The following CUL4B variants were observed in gnomAD, a reference collection of about 807,000 sequenced individuals.
CUL4B encodes the protein cullin 4B, also known as cullin-4B.
A neutral mutation model predicts 69.2 loss-of-function variants in CUL4B; 1 was observed. That is an observed-to-expected ratio of 0.01 (90% CI 0.01 to 0.07). The LOEUF is 0.07. Ranked by LOEUF, CUL4B falls within the 10% of genes least tolerant of loss-of-function variation. CUL4B has a pLI of 1.00. For missense variants in CUL4B, 328 were observed against 638.8 expected, an observed-to-expected ratio of 0.51 and a Z score of 5.24; for synonymous variants, 237 against 223.2, an observed-to-expected ratio of 1.06 and a Z score of -0.55.
upstream of CUL4B, among the ~76,000 whole-genome samples, chrX:120,563,993 A>G (rs1256596681): frequency 2.7e-5 from 3 of 112,383 alleles, no homozygotes; most frequent in Non-Finnish European, 3.8e-5. Context: ...CTTCTGAGTT[A>G]CATGTTGGTT....
intron 18 of CUL4B, among the ~76,000 whole-genome samples, chrX:120,530,750 A>C (rs1399605823): frequency 2.7e-5 from 3 of 112,145 alleles, no homozygotes; most frequent in Non-Finnish European, 5.6e-5. Context: ...GTAATATATA[A>C]ATCAGACATG....
rs1923713010 is a variant in CUL4B at position 120,537,013 on chromosome X, G to A, written c.1960C>T (p.Pro654Ser). ...TTCACAGTTAACTCAATATTTCCCG[G>A]AACATTCTGATTCTGCATATACTAT... ...FKQYMQNQNV[P>S]GNIELTVNIL... The change falls in exon 15 of 20, where the codon CCG becomes TCG. Residue 654 changes from proline to serine, a missense_variant. Pro to Ser is a moderately conservative substitution (Grantham distance 74, BLOSUM62 -1). This residue lies in a region of CUL4B where 98 missense variants were observed against 296.8 expected (regional missense o/e 0.33). Coordinates refer to ENST00000371322, the MANE Select transcript of CUL4B (RefSeq NM_001079872.2). 8.4e-7 allele frequency: 1 copy of A among 1,192,398 alleles called. No homozygotes were observed. The highest frequency in any genetic ancestry group is 1.1e-6 in the Non-Finnish European group (1 of 879,771).
chrX:120,552,237 T>A (rs1201035402), intron 2 of CUL4B, among the ~76,000 whole-genome samples: 1 of 93,198 alleles, frequency 1.1e-5, no homozygotes, highest in East Asian at 3.0e-4. Flanking sequence ...AACCTCTGCC[T>A]CCTGGGTTCA....
chrX:120,552,862 A>G lies in CUL4B; in HGVS notation c.672+5062T>C, dbSNP rs1279234355. On this transcript the variant is annotated intron_variant, in intron 2 of 19. Coordinates refer to ENST00000371322, the MANE Select transcript of CUL4B (RefSeq NM_001079872.2). The stretch of plus-strand genomic sequence containing the variant: ...TAGTAAGTAAAGCACATAACAAAAA[A>G]TTCAACAACTGATATAGCAATAAGA... 3.6e-5 allele frequency among the ~76,000 whole-genome samples: 4 copies of G among 111,947 alleles called. No individual in the cohort carries two copies. The East Asian group carries it at 1.1e-3, about 31-fold the overall frequency.
At chrX:120,541,796 AT>A in intron 9 of CUL4B, 76 bp from the exon 10 acceptor site, 15 of 655,360 alleles carry the variant, frequency 2.3e-5, no homozygotes, top group Non-Finnish European at 3.8e-5. Flanking sequence ...TTTTAATAAA[AT>A]TTGAGTTATA....
In CUL4B at chrX:120,526,185, T is replaced by A. The variant is rs776630950; in HGVS notation, c.*576A>T. The A allele has an allele frequency of 8.9e-6, 1 of 112,428 alleles. No individual in the cohort carries two copies. The highest frequency in any genetic ancestry group is 3.2e-5 in the African/African-American group (1 of 30,790). The allele number at this position is 112,428 out of a possible 1,213,427, so 9.3% of individuals were successfully genotyped here. On this transcript the variant is annotated 3_prime_UTR_variant, in exon 20 of 20. Coordinates refer to ENST00000371322, the MANE Select transcript of CUL4B (RefSeq NM_001079872.2). Reference sequence around the variant, plus strand: ...TACTTGAAAACTTGTTTCCAAATAATTTTTTTTAAAAAACATCCCTTTCAG... The same window carrying A: ...TACTTGAAAACTTGTTTCCAAATAAATTTTTTTAAAAAACATCCCTTTCAG...
intron 10 of CUL4B, 89 bp downstream of exon 10, chrX:120,541,512 AT>A: frequency 1.5e-5 from 10 of 683,894 alleles, no homozygotes; most frequent in East Asian, 3.3e-5. Context: ...AAAAAAAAAA[AT>A]TGGATCAAAC....
chrX:120,534,163 A>G (rs1389683416), intron 17 of CUL4B, among the ~76,000 whole-genome samples: 1 of 108,413 alleles, frequency 9.2e-6, no homozygotes, highest in Non-Finnish European at 1.9e-5. Flanking sequence ...TGAGCCCAGG[A>G]GTTTGAGACC....
exon 2 of CUL4B, chrX:120,574,554 C>T: frequency 1.7e-6 from 2 of 1,200,123 alleles, no homozygotes; most frequent in Non-Finnish European, 2.3e-6. Flanking sequence ...TACTCACCAC[C>T]GTCTTTAGAG....
chrX:120,568,736 T>C (rs1193816840), downstream of CUL4B, among the ~76,000 whole-genome samples: 1 of 112,148 alleles, frequency 8.9e-6, no homozygotes, highest in East Asian at 2.8e-4. Flanking sequence ...GTGAGATAGA[T>C]CAAGTACCAT....
At chrX:120,571,976 G>A (rs1173343978) in exon 3 of CUL4B, 1 of 110,094 alleles carries the variant, frequency 9.1e-6, no homozygotes, top group Non-Finnish European at 1.9e-5. Flanking sequence ...ATATTACCAT[G>A]CTGTGTGACT....
intron 2 of CUL4B, among the ~76,000 whole-genome samples, chrX:120,553,146 C>G (rs1253838511): frequency 9.0e-6 from 1 of 111,632 alleles, no homozygotes; most frequent in African/African-American, 3.2e-5. Flanking sequence ...TTTAGTTGTA[C>G]ATTTTAAAAA....
chrX:120,540,659 C>CT (rs1184220934), intron 10 of CUL4B, 97 bp from the exon 11 acceptor site: 2 of 626,947 alleles, frequency 3.2e-6, no homozygotes, highest in African/African-American at 4.5e-5. Context: ...ATTTAAAGAT[C>CT]TTTAAAAAGT....
At chrX:120,566,705 T>C (rs780640326), downstream of CUL4B, among the ~76,000 whole-genome samples, 1 of 110,611 alleles carries the variant, frequency 9.0e-6, no homozygotes, top group South Asian at 3.8e-4. Flanking sequence ...CCAAATTTCA[T>C]ATTTTTAGCA....
At chrX:120,536,416 T>A (rs770443928) in intron 15 of CUL4B, among the ~76,000 whole-genome samples, 1 of 112,615 alleles carries the variant, frequency 8.9e-6, no homozygotes, top group South Asian at 3.6e-4. Context: ...ATCCCTTTTA[T>A]GGGCTTCAGT....
chrX:120,531,799 T>A (rs1398693285), intron 18 of CUL4B, among the ~76,000 whole-genome samples: 1 of 111,257 alleles, frequency 9.0e-6, no homozygotes, highest in Non-Finnish European at 1.9e-5. Flanking sequence ...AATAAATCAA[T>A]TCAGATTTTT....
At chrX:120,555,502 T>C (rs1276960894) in intron 2 of CUL4B, among the ~76,000 whole-genome samples, 1 of 111,361 alleles carries the variant, frequency 9.0e-6, no homozygotes, top group Non-Finnish European at 1.9e-5. Flanking sequence ...GTATTCAAAG[T>C]ACCAGGGTAT....
In CUL4B at chrX:120,530,127, T is replaced by A; in HGVS notation, c.2567A>T (p.Tyr856Phe). 8.3e-7 allele frequency: 1 copy of A among 1,210,901 alleles called. No homozygotes were observed. The highest frequency in any genetic ancestry group is 1.1e-6 in the Non-Finnish European group (1 of 894,710). The change falls in exon 19 of 20, where the codon TAC (tyrosine) becomes TTC (phenylalanine). Residue 856 changes from tyrosine (Y) to phenylalanine (F), a missense_variant. This residue lies in a region of CUL4B where 98 missense variants were observed against 296.8 expected (regional missense o/e 0.33). Transcript: ENST00000371322. ...LSHNLLVSEV[Y>F]NQLKFPVKPA... ...CTTTACTGGAAATTTCAACTGGTTG[T>A]ACACTTCTGAAACAAGGAGATTGTG...
At chrX:120,539,434 T>C in intron 11 of CUL4B, 62 bp from the exon 12 acceptor site, 5 of 619,117 alleles carry the variant, frequency 8.1e-6, no homozygotes, top group Non-Finnish European at 1.3e-5. Flanking sequence ...CTGGGCACTA[T>C]ATATACCCAA....
Sources: gnomAD v4.1 joint callset for allele counts (sites outside exome capture counted in the v4.1 genomes callset) on GRCh38, gnomAD v4.1.1 for gene constraint, gnomAD v4.1.1 regional missense constraint, MANE v1.5 for transcripts, NCBI Gene and HGNC (gene_info 2026-07-23, HGNC 2026-07-21) for gene names.